DZANK1: variants seen among roughly 807,000 people sequenced by gnomAD.
DZANK1 encodes double zinc ribbon and ankyrin repeat-containing protein 1.
Under a neutral mutation model 94.5 loss-of-function variants are expected in DZANK1, and 91 were observed. That is an observed-to-expected ratio of 0.96 (90% CI 0.81 to 1.15). The LOEUF is 1.15. Ranked by LOEUF, DZANK1 falls within the 50% of genes most tolerant of loss-of-function variation. DZANK1 has a pLI of 0.00. For synonymous variants in DZANK1, 312 were observed against 325.3 expected, an observed-to-expected ratio of 0.96 and a Z score of 0.44; for missense variants, 903 against 916.4, an observed-to-expected ratio of 0.99 and a Z score of 0.19.
intron 8 of DZANK1, among the ~76,000 whole-genome samples, chr20:18,440,046 G>C (rs2058671430): frequency 6.6e-6 from 1 of 152,136 alleles, no homozygotes; most frequent in African/African-American, 2.4e-5. Flanking sequence ...AGAGACACCA[G>C]GGTTGTGTAC....
chr20:18,427,158 T>A (rs1346616331), exon 10 of DZANK1: 1 of 1,611,446 alleles, frequency 6.2e-7, no homozygotes, highest in Non-Finnish European at 8.5e-7. Context: ...AATTACCTTC[T>A]CCTTAACAAC....
At chr20:18,462,400 A>G (rs555049044) in intron 2 of DZANK1, among the ~76,000 whole-genome samples, 16 of 152,278 alleles carry the variant, frequency 1.1e-4, no homozygotes, top group African/African-American at 3.4e-4. Flanking sequence ...AGGAGAAGAA[A>G]TATTTTCATA....
intron 18 of DZANK1, 107 bp downstream of exon 18, chr20:18,390,272 G>A: frequency 1.0e-6 from 1 of 1,002,582 alleles, no homozygotes; most frequent in Non-Finnish European, 1.6e-6. Flanking sequence ...TTAATCAAAG[G>A]GCAGTGTAAT....
intron 8 of DZANK1, among the ~76,000 whole-genome samples, chr20:18,442,583 T>C (rs1443180960): frequency 1.3e-5 from 2 of 152,210 alleles, no homozygotes; most frequent in African/African-American, 2.4e-5. Context: ...TAGAAAAATA[T>C]TAAAACAGCC....
chr20:18,437,353 C>A (rs561928104), intron 8 of DZANK1, among the ~76,000 whole-genome samples: 1 of 151,982 alleles, frequency 6.6e-6, no homozygotes, highest in Non-Finnish European at 1.5e-5. Flanking sequence ...CCAAGGCAGG[C>A]GGATCACTTG....
At chr20:18,403,862 T>C (rs1310712933) in intron 13 of DZANK1, among the ~76,000 whole-genome samples, 2 of 146,826 alleles carry the variant, frequency 1.4e-5, no homozygotes, top group East Asian at 2.0e-4. Flanking sequence ...TGCAGTGGCA[T>C]GATCTCGGCT....
At chr20:18,413,020 TTCTC>T (rs2057331943) in intron 12 of DZANK1, 167 bp from the exon 13 acceptor site, 3 of 668,152 alleles carry the variant, frequency 4.5e-6, no homozygotes, top group Non-Finnish European at 7.5e-6. Context: ...GCTCCTGTCT[TTCTC>T]AGCAACTTCC....
intron 13 of DZANK1, among the ~76,000 whole-genome samples, chr20:18,408,798 T>C (rs920879624): frequency 2.0e-5 from 3 of 152,178 alleles, no homozygotes; most frequent in African/African-American, 7.2e-5. Context: ...AGGATGTTAA[T>C]GAGCAAGAAG....
At chr20:18,416,164 G>T (rs966171251) in intron 10 of DZANK1, among the ~76,000 whole-genome samples, 1 of 152,152 alleles carries the variant, frequency 6.6e-6, no homozygotes, top group African/African-American at 2.4e-5. Context: ...CAGAGGGAGA[G>T]CTTGGGGACA....
intron 17 of DZANK1, among the ~76,000 whole-genome samples, chr20:18,391,055 G>A (rs904894499): frequency 2.6e-5 from 4 of 152,218 alleles, no homozygotes; most frequent in East Asian, 3.9e-4. Context: ...AATTAGCCAC[G>A]TGTTAGCTGC....
At chr20:18,445,390 A>G (rs896293315) in intron 7 of DZANK1, among the ~76,000 whole-genome samples, 3 of 152,232 alleles carry the variant, frequency 2.0e-5, no homozygotes, top group African/African-American at 7.2e-5. Flanking sequence ...TCATAATTAC[A>G]GTCATATATT....
intron 10 of DZANK1, among the ~76,000 whole-genome samples, chr20:18,418,934 A>G (rs1383198492): frequency 2.0e-5 from 3 of 152,206 alleles, no homozygotes; most frequent in Admixed American, 6.5e-5. Context: ...AGATCAACAG[A>G]AATCATACAA....
At chr20:18,414,380 G>A (rs771936124) in exon 12 of DZANK1, 4 of 1,613,962 alleles carry the variant, frequency 2.5e-6, no homozygotes, top group Non-Finnish European at 3.4e-6. Context: ...TCAGCAGCTA[G>A]AGCCAGGCTT....
chr20:18,396,596 T>C (rs1316344926), intron 14 of DZANK1, 50 bp from the exon 15 acceptor site: 1 of 1,340,496 alleles, frequency 7.5e-7, no homozygotes, highest in African/African-American at 1.5e-5. Flanking sequence ...GTGGGACTCA[T>C]TGCCTTAAGT....
chr20:18,403,070 T>C (rs1357680411), intron 13 of DZANK1, among the ~76,000 whole-genome samples: 1 of 152,164 alleles, frequency 6.6e-6, no homozygotes, highest in Non-Finnish European at 1.5e-5. Context: ...AGGGGTGTAG[T>C]ATCTTCCGAG....
At chr20:18,453,604 T>C in intron 5 of DZANK1, 127 bp downstream of exon 5, 1 of 674,412 alleles carries the variant, frequency 1.5e-6, no homozygotes, top group Non-Finnish European at 2.6e-6. Flanking sequence ...AAGTACAGCA[T>C]ACTTTCCTGC....
chr20:18,438,927 C>T (rs2058630923), intron 8 of DZANK1, among the ~76,000 whole-genome samples: 2 of 152,182 alleles, frequency 1.3e-5, no homozygotes, highest in African/African-American at 4.8e-5. Context: ...CTAATTACCT[C>T]CCAAAGACCC....
At chr20:18,409,931 G>T (rs1451669710) in intron 13 of DZANK1, among the ~76,000 whole-genome samples, 2 of 151,508 alleles carry the variant, frequency 1.3e-5, no homozygotes, top group East Asian at 3.9e-4. Context: ...TATCTGGGAG[G>T]CTGAGGCAGG....
intron 20 of DZANK1, 31 bp from the exon 21 acceptor site, chr20:18,384,595 C>T: frequency 1.3e-6 from 2 of 1,556,898 alleles, no homozygotes; most frequent in Non-Finnish European, 1.7e-6. Flanking sequence ...CGGAGGTGCA[C>T]TGAAGGACTT....
Sources: gnomAD v4.1 joint callset for allele counts (sites outside exome capture counted in the v4.1 genomes callset) on GRCh38, gnomAD v4.1.1 for gene constraint, MANE v1.5 for transcripts, NCBI Gene and HGNC (gene_info 2026-07-23, HGNC 2026-07-21) for gene names.